The following FHOD1 variants were observed in gnomAD, a reference collection of about 807,000 sequenced individuals.
FHOD1 encodes formin homology 2 domain containing 1.
Under a neutral mutation model 111.6 loss-of-function variants are expected in FHOD1, and 89 were observed. The ratio of observed to expected loss-of-function variants is 0.80; its 90% CI spans 0.67 to 0.95. The LOEUF is 0.95. FHOD1 is among the 40% of genes least tolerant of loss of function. The pLI is 0.00. For missense variants in FHOD1, 1,446 were observed against 1,554.2 expected (o/e 0.93, Z 1.17); for synonymous variants, 618 against 639.0 (o/e 0.97, Z 0.50).
chr16:67,246,401 G>A (rs900421840), intron 1 of FHOD1, among the ~76,000 whole-genome samples: 3 of 152,210 alleles, frequency 2.0e-5, no homozygotes, highest in African/African-American at 4.8e-5. Flanking sequence ...GGGGGCTGAC[G>A]GCGGCGAGAG....
At chr16:67,236,030 C>G in intron 11 of FHOD1, 5 of 984,860 alleles carry the variant, frequency 5.1e-6, no homozygotes, top group Non-Finnish European at 6.0e-6. Flanking sequence ...GCCTGGCCTG[C>G]CCAGGAGGGG....
rs146871611 is a variant in FHOD1 at position 67,236,440 on chromosome 16, AAGAG to A, written c.1319+113_1319+116del. On this transcript the variant is annotated intron_variant, in intron 11 of 21. Coordinates refer to ENST00000258201, the MANE Select transcript of FHOD1 (RefSeq NM_013241.3). ...CGGAAGCAGTTTGGTGAAGTCTGGA[AAGAG>A]AGAGAGAGAAAGCACGCGTTTGGGC... 99 of 1,505,696 alleles carry A rather than the reference AAGAG, an allele frequency of 6.6e-5. No homozygotes were observed. The East Asian group carries it at 9.2e-4, about 14-fold the overall frequency. The allele number at this position is 1,505,696 out of a possible 1,614,324, so 93.3% of individuals were successfully genotyped here.
rs1191145817 is a variant in FHOD1, at chr16:67,236,780, C to CG, written c.1143-48dup. 5 of 282,512 alleles carry CG rather than the reference C, an allele frequency of 1.8e-5. No homozygotes were observed. The East Asian group carries it at 1.4e-3, about 81-fold the overall frequency. 17.5% of individuals were successfully genotyped at this position (282,512 alleles called of 1,614,324 possible). On this transcript the variant is annotated intron_variant, in intron 10 of 21. Transcript: ENST00000258201. The stretch of plus-strand genomic sequence containing the variant: ...GGGGCGGGGCCTGAGAAGCTGGAGG[C>CG]GGGGCCTGTCAGTGGGGTGGGGCCT...
rs1336571223 is a variant in FHOD1 at position 67,234,160 on chromosome 16, G to A, written c.1543C>T (p.Pro515Ser). 17 of 1,558,902 alleles carry A rather than the reference G, an allele frequency of 1.1e-5. No individual in the cohort carries two copies. The highest frequency in any genetic ancestry group is 1.5e-5 in the Non-Finnish European group (17 of 1,150,386). Residue 515 changes from proline (P) to serine (S), a missense_variant, in exon 13 of 22, where the codon CCC becomes TCC. Around this residue, in one of 3 missense-constraint regions of FHOD1, gnomAD observed 1,085 missense variants for 1,108.8 expected, o/e 0.98. Coordinates refer to ENST00000258201, the MANE Select transcript of FHOD1 (RefSeq NM_013241.3). Reference sequence around the variant, plus strand: ...CTTGCTGGTATCAGTGGCTCCTTGGGCTCTGGTGCAAGGCTTCGCTGGGCC... The same window carrying A: ...CTTGCTGGTATCAGTGGCTCCTTGGACTCTGGTGCAAGGCTTCGCTGGGCC... The part of the protein sequence containing the change: ...LRAQRSLAPE[P>S]KEPLIPASPK...
chr16:67,236,312 C>T, intron 11 of FHOD1: 1 of 1,271,302 alleles, frequency 7.9e-7, no homozygotes, highest in Non-Finnish European at 1.0e-6. Flanking sequence ...GGAGACATGA[C>T]AAGAGGCAAA....
At chr16:67,241,616 C>T (rs1162542606) in intron 1 of FHOD1, among the ~76,000 whole-genome samples, 1 of 152,250 alleles carries the variant, frequency 6.6e-6, no homozygotes, top group Non-Finnish European at 1.5e-5. Flanking sequence ...CTCTGCCTTC[C>T]CTTCCTTCCA....
intron 1 of FHOD1, among the ~76,000 whole-genome samples, chr16:67,246,553 GC>G (rs1448308681): frequency 6.6e-6 from 1 of 152,166 alleles, no homozygotes; most frequent in Admixed American, 6.5e-5. Flanking sequence ...TCAGGCGCGG[GC>G]CGATGGGCGG....
At chr16:67,232,266 C>G (rs1597317853) in intron 13 of FHOD1, 72 bp from the exon 14 acceptor site, 1 of 1,545,190 alleles carries the variant, frequency 6.5e-7, no homozygotes, top group East Asian at 2.3e-5. Flanking sequence ...GCCTGTAATC[C>G]CAGCACTTTG....
chr16:67,230,271 C>G (rs751086498), intron 19 of FHOD1, 43 bp from the exon 20 acceptor site: 1 of 1,613,424 alleles, frequency 6.2e-7, no homozygotes, highest in African/African-American at 1.3e-5. Flanking sequence ...CGAAGGAAAC[C>G]AAGGAGGTGG....
chr16:67,230,011 A>G (rs1209058596), intron 20 of FHOD1, 21 bp from the exon 21 acceptor site: 6 of 1,613,206 alleles, frequency 3.7e-6, no homozygotes, highest in Non-Finnish European at 5.1e-6. Context: ...CCAGATAGCA[A>G]AGTCAGGCCA....
intron 1 of FHOD1, among the ~76,000 whole-genome samples, chr16:67,242,947 T>TA (rs2034708328): frequency 1.3e-5 from 2 of 151,274 alleles, no homozygotes; most frequent in Admixed American, 1.3e-4. Context: ...TAGATATTGA[T>TA]AATTTATATA....
In FHOD1 at chr16:67,232,207, G is replaced by T. The variant is rs2034305733; in HGVS notation, c.2047-13C>A. Reference sequence around the variant, plus strand: ...CCTCTCCAGCTTTCTGCATGGTTGGGGGAAGGGCAGTGTAAGACTGAGGAA... The same window carrying T: ...CCTCTCCAGCTTTCTGCATGGTTGGTGGAAGGGCAGTGTAAGACTGAGGAA... On this transcript the variant is annotated splice_polypyrimidine_tract_variant and intron_variant, in intron 13 of 21. Transcript: ENST00000258201. The T allele has an allele frequency of 6.2e-7, 1 of 1,613,806 alleles. No individual in the cohort carries two copies. The highest frequency in any genetic ancestry group is 1.3e-5 in the African/African-American group (1 of 74,908).
rs561815063 is a variant in FHOD1 at position 67,246,995 on chromosome 16, C to T, written c.201+215G>A. 7.3e-5 allele frequency: 41 copies of T among 563,398 alleles called. 1 individual carries two copies. In the South Asian group the frequency reaches 7.5e-4, roughly 10 times the overall value. The allele number at this position is 563,398 out of a possible 1,614,324, so 34.9% of individuals were successfully genotyped here. A position where few individuals can be genotyped will look rare whatever the true frequency, so the allele number is the denominator to read the frequency against. On this transcript the variant is annotated intron_variant, in intron 1 of 21. Transcript: ENST00000258201. ...CTAATTCGAAGGGCAGTCAGAATGG[C>T]GGAGCCAAGTTCCTGGCACCCCTCT...
chr16:67,239,556 CACAGGGTCTGCACT>C (rs1648435112), intron 1 of FHOD1, 102 bp from the exon 2 acceptor site: 1 of 810,502 alleles, frequency 1.2e-6, no homozygotes, highest in African/African-American at 1.7e-5. Flanking sequence ...GGCAGAGAGA[CACAGGGTCTGCACT>C]ACAGCTGTGC....
Position 67,231,209 on chromosome 16 carries a change from A to G in FHOD1, c.2646T>C (p.Pro882=), listed in dbSNP as rs765199848. ...PESSDLYSEI[P]ALTRCAKVDF... Reference sequence around the variant, plus strand: ...TAACCTTGGCACAGCGGGTCAGGGCAGGGATTTCTGAATAGAGGTCAGAGG... The same window carrying G: ...TAACCTTGGCACAGCGGGTCAGGGCGGGGATTTCTGAATAGAGGTCAGAGG... Residue 882 remains proline, a synonymous_variant, in exon 17 of 22, where the codon CCT becomes CCC. Transcript: ENST00000258201. The surrounding 1 kb of genome is among the most constrained non-coding windows in gnomAD (Gnocchi z 4.3). The G allele has an allele frequency of 3.3e-5, 53 of 1,614,062 alleles. No homozygotes were observed. In the South Asian group the frequency reaches 4.5e-4, roughly 14 times the overall value.
At chr16:67,233,468 C>T (rs1012064718) in intron 13 of FHOD1, among the ~76,000 whole-genome samples, 189 bp downstream of exon 13, 10 of 152,188 alleles carry the variant, frequency 6.6e-5, no homozygotes, top group South Asian at 2.1e-4. Flanking sequence ...CCACCATGCC[C>T]GGCCACATTT....
At position 67,237,186 on chromosome 16, in the gene FHOD1, C is replaced by T. The variant is rs1055510886; in HGVS notation, c.993+53G>A. 4.6e-4 allele frequency: 735 copies of T among 1,603,738 alleles called. No individual in the cohort carries two copies. Among genetic ancestry groups the T allele is most frequent in the Non-Finnish European group, 5.9e-4 (692 of 1,173,082 alleles). ...AGGTGGGGTGGGGCGCTGGGGACTG[C>T]GCTTCTCTCTTCCCTCTTTCCAATC... On this transcript the variant is annotated intron_variant, in intron 9 of 21. Transcript: ENST00000258201. The surrounding 1 kb of genome is among the most constrained non-coding windows in gnomAD (Gnocchi z 5.6).
Position 67,236,733 on chromosome 16 carries a change from G to T in FHOD1, c.1143C>A (p.Gly381=), listed in dbSNP as rs2034493491. Residue 381 remains glycine (G), a splice_region_variant and synonymous_variant, in exon 11 of 22, where the codon GGC becomes GGA. Transcript: ENST00000258201. ...GGCPARAPEP[G]PTGPASPVGP... ...CTACCGGTGAGGCGGGGCCTGTGGG[G>T]CTGAAAGCAGGGGCTGTCAGTGGGG... 6.5e-7 allele frequency: 1 copy of T among 1,539,578 alleles called. No individual in the cohort carries two copies. The highest frequency in any genetic ancestry group is 1.2e-5 in the South Asian group (1 of 83,498).
At position 67,231,052 on chromosome 16, in the gene FHOD1, G is replaced by C. The variant is rs2142262354; in HGVS notation, c.2667+136C>G. The C allele has an allele frequency of 8.7e-7, 1 of 1,154,352 alleles. No homozygotes were observed. The highest frequency in any genetic ancestry group is 2.5e-5 in the East Asian group (1 of 39,752). The allele number at this position is 1,154,352 out of a possible 1,614,324, so 71.5% of individuals were successfully genotyped here. ...AGAGGAAAGAGCATTTCTGGCAGAGGGCATAGCTCACACCCAGGTGGCTGG... is the reference window on the plus strand; with the variant it reads ...AGAGGAAAGAGCATTTCTGGCAGAGCGCATAGCTCACACCCAGGTGGCTGG... On this transcript the variant is annotated intron_variant, in intron 17 of 21. Coordinates refer to ENST00000258201, the MANE Select transcript of FHOD1 (RefSeq NM_013241.3). The surrounding 1 kb of genome is among the most constrained non-coding windows in gnomAD (Gnocchi z 4.3).
Sources: allele counts gnomAD v4.1 joint callset (sites outside exome capture counted in the v4.1 genomes callset), GRCh38; gene constraint gnomAD v4.1.1; regional missense constraint gnomAD v4.1.1; non-coding constraint Gnocchi (gnomAD v3.1); transcripts MANE v1.5; gene names NCBI Gene and HGNC (gene_info 2026-07-23, HGNC 2026-07-21).